Variants in PRKCB observed in about 807,000 individuals in gnomAD.
PRKCB encodes the protein protein kinase C beta type.
In PRKCB, 13 loss-of-function variants were observed where a neutral mutation model predicts 81.5. That is an observed-to-expected ratio of 0.16 (90% CI 0.10 to 0.25). PRKCB has a LOEUF of 0.25. Ranked by LOEUF, PRKCB falls within the 10% of genes least tolerant of loss-of-function variation. The pLI is 1.00. For synonymous variants in PRKCB, 335 were observed against 321.4 expected, an observed-to-expected ratio of 1.04 and a Z score of -0.45; for missense variants, 509 against 875.7, an observed-to-expected ratio of 0.58 and a Z score of 5.29.
chr16:24,066,739 G>A (rs1196580836), intron 5 of PRKCB, among the ~76,000 whole-genome samples: 4 of 151,886 alleles, frequency 2.6e-5, no homozygotes, highest in South Asian at 2.1e-4. Context: ...TTTCTCAATC[G>A]TTTCTTATTT....
chr16:24,182,354 T>C (rs779621970), intron 13 of PRKCB, among the ~76,000 whole-genome samples: 13 of 151,916 alleles, frequency 8.6e-5, no homozygotes, highest in Non-Finnish European at 1.3e-4. Context: ...CCCTAATCTC[T>C]ACAAAAAAAA....
chr16:24,141,475 C>T (rs565438293), intron 9 of PRKCB, among the ~76,000 whole-genome samples: 15 of 152,300 alleles, frequency 9.8e-5, no homozygotes, highest in East Asian at 7.7e-4. Context: ...GGATTACAGG[C>T]GTGAGCCACT....
intron 3 of PRKCB, among the ~76,000 whole-genome samples, chr16:23,997,581 T>C (rs1964977063): frequency 6.6e-6 from 1 of 152,240 alleles, no homozygotes; most frequent in African/African-American, 2.4e-5. Flanking sequence ...TATGGATATG[T>C]TTGTGTGTAT....
chr16:23,917,283 A>G (rs1963754936), intron 2 of PRKCB, among the ~76,000 whole-genome samples: 1 of 151,958 alleles, frequency 6.6e-6, no homozygotes, highest in South Asian at 2.1e-4. Flanking sequence ...GGGTTTTGCC[A>G]TGTTGCCCGA....
At chr16:23,996,008 G>A (rs1027878422) in intron 3 of PRKCB, among the ~76,000 whole-genome samples, 1 of 152,120 alleles carries the variant, frequency 6.6e-6, no homozygotes, top group Non-Finnish European at 1.5e-5. Context: ...TGTGCACTTT[G>A]CTTGGGAGGA....
chr16:23,914,588 A>G (rs1310758562), intron 2 of PRKCB, among the ~76,000 whole-genome samples: 2 of 152,170 alleles, frequency 1.3e-5, no homozygotes, highest in African/African-American at 4.8e-5. Flanking sequence ...TAATGTCTCT[A>G]TGCCTCATTT....
At chr16:23,917,017 A>G (rs1232463036) in intron 2 of PRKCB, among the ~76,000 whole-genome samples, 1 of 151,884 alleles carries the variant, frequency 6.6e-6, no homozygotes, top group African/African-American at 2.4e-5. Context: ...CTCAAGTGAT[A>G]GGGTCACCTG....
intron 2 of PRKCB, among the ~76,000 whole-genome samples, chr16:23,961,987 C>T (rs764710150): frequency 5.9e-5 from 9 of 152,102 alleles, no homozygotes; most frequent in Non-Finnish European, 1.0e-4. Flanking sequence ...AAAGGAAAGT[C>T]AAAGTGCTGT....
At chr16:23,955,071 A>C (rs1221583508) in intron 2 of PRKCB, among the ~76,000 whole-genome samples, 1 of 152,158 alleles carries the variant, frequency 6.6e-6, no homozygotes, top group Non-Finnish European at 1.5e-5. Flanking sequence ...TTGGATCAGT[A>C]GGGAAAAAAT....
intron 2 of PRKCB, among the ~76,000 whole-genome samples, chr16:23,885,731 A>G (rs1163336213): frequency 6.6e-6 from 1 of 152,136 alleles, no homozygotes; most frequent in Non-Finnish European, 1.5e-5. Context: ...CACTGGATTT[A>G]TTTTTAAATG....
At chr16:23,988,941 T>C (rs899083342) in intron 3 of PRKCB, among the ~76,000 whole-genome samples, 4 of 152,040 alleles carry the variant, frequency 2.6e-5, no homozygotes, top group African/African-American at 9.7e-5. Context: ...TAGGGTGTTC[T>C]TTCTTTTGTT....
intron 10 of PRKCB, 57 bp from the exon 11 acceptor site, chr16:24,172,213 A>G: frequency 2.2e-6 from 3 of 1,336,548 alleles, no homozygotes; most frequent in Non-Finnish European, 3.2e-6. Flanking sequence ...CCCACTGTCC[A>G]TTTGGAGCCC....
intron 9 of PRKCB, among the ~76,000 whole-genome samples, chr16:24,141,500 C>T (rs1049875741): frequency 2.0e-5 from 3 of 152,156 alleles, no homozygotes; most frequent in African/African-American, 4.8e-5. Flanking sequence ...CCGGCCAAGA[C>T]CTCCTGTTTG....
chr16:24,043,943 C>T (rs141598741), intron 5 of PRKCB, among the ~76,000 whole-genome samples: 59 of 152,190 alleles, frequency 3.9e-4, no homozygotes, highest in African/African-American at 1.0e-3. Context: ...GAAACACCAG[C>T]GTGCAAAGAA....
intron 2 of PRKCB, among the ~76,000 whole-genome samples, chr16:23,919,921 T>C (rs1181085802): frequency 6.6e-6 from 1 of 152,238 alleles, no homozygotes; most frequent in Non-Finnish European, 1.5e-5. Flanking sequence ...GTTGGATTGC[T>C]CTCATCTTTT....
intron 16 of PRKCB, among the ~76,000 whole-genome samples, chr16:24,193,381 G>T (rs1967823319): frequency 6.6e-6 from 1 of 151,730 alleles, no homozygotes; most frequent in Non-Finnish European, 1.5e-5. Flanking sequence ...GGAGGTGGAG[G>T]TTGCAGTGAG....
At chr16:24,145,656 T>A (rs1966977910) in intron 9 of PRKCB, among the ~76,000 whole-genome samples, 1 of 152,182 alleles carries the variant, frequency 6.6e-6, no homozygotes, top group Admixed American at 6.5e-5. Context: ...TTGTGGCAAG[T>A]GTATGTTGAA....
chr16:24,048,941 T>C (rs981492479), intron 5 of PRKCB, among the ~76,000 whole-genome samples: 3 of 151,986 alleles, frequency 2.0e-5, no homozygotes, highest in Non-Finnish European at 4.4e-5. Flanking sequence ...ATGACTCCAT[T>C]TTCCCCAACA....
chr16:24,135,698 C>T (rs577049804), intron 9 of PRKCB, among the ~76,000 whole-genome samples: 1 of 152,256 alleles, frequency 6.6e-6, no homozygotes, highest in South Asian at 2.1e-4. Flanking sequence ...CAGCTTAGTT[C>T]ATGCCAGGAA....
Sources: allele counts gnomAD v4.1 joint callset (sites outside exome capture counted in the v4.1 genomes callset), GRCh38; gene constraint gnomAD v4.1.1; transcripts MANE v1.5; gene names NCBI Gene and HGNC (gene_info 2026-07-23, HGNC 2026-07-21).